The following EPC2 variants were observed in gnomAD, a reference collection of about 807,000 sequenced individuals.
EPC2 encodes the protein enhancer of polycomb 2.
Under a neutral mutation model 92.1 loss-of-function variants are expected in EPC2, and 14 were observed. The ratio of observed to expected loss-of-function variants is 0.15; its 90% CI spans 0.10 to 0.24. The LOEUF is 0.24. Ranked by LOEUF, EPC2 falls within the 10% of genes least tolerant of loss-of-function variation. The probability of loss-of-function intolerance (pLI) is 1.00; values close to 1 mark genes in which losing one functional copy is unlikely to be tolerated. For missense variants in EPC2, 755 were observed against 971.5 expected (o/e 0.78, Z 2.96); for synonymous variants, 340 against 334.7 (o/e 1.02, Z -0.17).
chr2:148,785,232 TAGAGAG>T (rs201660966), intron 13 of EPC2, among the ~76,000 whole-genome samples: 1 of 149,908 alleles, frequency 6.7e-6, no homozygotes, highest in Non-Finnish European at 1.5e-5. Flanking sequence ...AGAGTAGTAG[TAGAGAG>T]AGAGAGAGAG....
At chr2:148,749,114 C>T (rs190403118) in intron 3 of EPC2, among the ~76,000 whole-genome samples, 492 of 152,254 alleles carry the variant, frequency 3.2e-3, no homozygotes, top group Non-Finnish European at 4.7e-3. Flanking sequence ...ATGCCAGGTC[C>T]TCTATTTATA....
intron 3 of EPC2, among the ~76,000 whole-genome samples, chr2:148,749,732 T>C (rs897445459): frequency 2.0e-5 from 3 of 152,130 alleles, no homozygotes; most frequent in African/African-American, 7.2e-5. Context: ...AAATTTGGTC[T>C]AGATCTTTTG....
Position 148,645,180 on chromosome 2 carries a change from C to T in EPC2, c.153+10C>T, listed in dbSNP as rs767716943. On this transcript the variant is annotated intron_variant, in intron 1 of 13. Coordinates refer to ENST00000258484, the MANE Select transcript of EPC2 (RefSeq NM_015630.4). ...GAAGGAGGAGGAATCGGTAGGGACT[C>T]GAGTGTTTATTACCCCCCCTTCCCT... The T allele has an allele frequency of 5.0e-6, 8 of 1,597,730 alleles. No individual in the cohort carries two copies. The highest frequency in any genetic ancestry group is 2.7e-5 in the African/African-American group (2 of 74,008).
intron 2 of EPC2, among the ~76,000 whole-genome samples, chr2:148,726,855 A>G (rs1682510157): frequency 6.9e-6 from 1 of 145,758 alleles, no homozygotes. Context: ...CATGGTTTGC[A>G]GATATTTTTC....
At chr2:148,652,046 C>T (rs1157350197) in intron 1 of EPC2, among the ~76,000 whole-genome samples, 1 of 152,088 alleles carries the variant, frequency 6.6e-6, no homozygotes, top group Non-Finnish European at 1.5e-5. Context: ...CTTTACTGTT[C>T]TATCATTTAT....
At chr2:148,760,682 TA>T (rs1179411276) in intron 4 of EPC2, among the ~76,000 whole-genome samples, 2 of 152,236 alleles carry the variant, frequency 1.3e-5, no homozygotes, top group Non-Finnish European at 2.9e-5. Context: ...AAGGATGACT[TA>T]TTTTTAATAT....
At chr2:148,652,367 A>G (rs1319112725) in intron 1 of EPC2, among the ~76,000 whole-genome samples, 3 of 152,230 alleles carry the variant, frequency 2.0e-5, no homozygotes, top group Non-Finnish European at 4.4e-5. Flanking sequence ...TAATGAGCTT[A>G]GAATAATTTG....
intron 1 of EPC2, among the ~76,000 whole-genome samples, chr2:148,659,908 A>G (rs1181081681): frequency 6.6e-6 from 1 of 152,250 alleles, no homozygotes; most frequent in African/African-American, 2.4e-5. Context: ...CCACCTAAGC[A>G]TATCTTGAGG....
chr2:148,689,380 G>T (rs1681599122), intron 1 of EPC2, among the ~76,000 whole-genome samples: 1 of 152,126 alleles, frequency 6.6e-6, no homozygotes, highest in South Asian at 2.1e-4. Context: ...GGGTTTCACT[G>T]TGTTAGCCAG....
At chr2:148,762,360 A>G (rs1683316465) in intron 5 of EPC2, 2 of 208,706 alleles carry the variant, frequency 9.6e-6, no homozygotes, top group African/African-American at 4.7e-5. Flanking sequence ...ACAAAATTAA[A>G]TAGACTAAAC....
chr2:148,728,301 T>G (rs1035636865), intron 2 of EPC2, among the ~76,000 whole-genome samples: 12 of 152,216 alleles, frequency 7.9e-5, no homozygotes, highest in East Asian at 1.9e-4. Context: ...ACCTTGCTTT[T>G]TTTGTTTGTT....
At chr2:148,705,758 C>A (rs1030125728) in intron 2 of EPC2, among the ~76,000 whole-genome samples, 1 of 152,190 alleles carries the variant, frequency 6.6e-6, no homozygotes. Context: ...GCTGAGGGAC[C>A]TGACTGTTAG....
chr2:148,722,684 A>G (rs1042842349), intron 2 of EPC2, among the ~76,000 whole-genome samples: 2 of 152,234 alleles, frequency 1.3e-5, no homozygotes, highest in South Asian at 4.1e-4. Context: ...TATATACCCA[A>G]AGAATTATAA....
chr2:148,706,530 C>G (rs1356875533), intron 2 of EPC2, among the ~76,000 whole-genome samples: 1 of 152,028 alleles, frequency 6.6e-6, no homozygotes, highest in Non-Finnish European at 1.5e-5. Flanking sequence ...AGAGCAACCC[C>G]AAGACACATA....
At chr2:148,714,157 G>T (rs778610181) in intron 2 of EPC2, among the ~76,000 whole-genome samples, 7 of 148,396 alleles carry the variant, frequency 4.7e-5, no homozygotes, top group Non-Finnish European at 8.9e-5. Context: ...GTGAGAACAT[G>T]CAGTATTTGA....
intron 10 of EPC2, among the ~76,000 whole-genome samples, chr2:148,772,096 GCCCCTATGAAT>G (rs1157190193): frequency 6.6e-6 from 1 of 152,090 alleles, no homozygotes; most frequent in Non-Finnish European, 1.5e-5. Flanking sequence ...ACTGTGCCCG[GCCCCTATGAAT>G]AATAATTTTT....
intron 2 of EPC2, among the ~76,000 whole-genome samples, chr2:148,720,454 A>G (rs13034265): frequency 0.021 from 3,124 of 150,748 alleles, 119 homozygotes; most frequent in African/African-American, 0.072. Context: ...CTGGATTCCA[A>G]CCCCTCTCGG....
intron 1 of EPC2, among the ~76,000 whole-genome samples, chr2:148,670,002 C>T (rs1405441285): frequency 6.6e-6 from 1 of 152,182 alleles, no homozygotes; most frequent in Non-Finnish European, 1.5e-5. Context: ...AGGGAAGCCT[C>T]TTTAGAGCTC....
chr2:148,784,655 C>T lies in EPC2; in HGVS notation c.2018-13C>T. On this transcript the variant is annotated splice_polypyrimidine_tract_variant and intron_variant, in intron 12 of 13. Coordinates refer to ENST00000258484, the MANE Select transcript of EPC2 (RefSeq NM_015630.4). ...TCTCATGATACTAGTTGAATGACTT[C>T]TTTCTTTTTCAGGAACCTCTAAAAC... 6.4e-7 allele frequency: 1 copy of T among 1,557,140 alleles called. No individual in the cohort carries two copies. Among genetic ancestry groups the T allele is most frequent in the South Asian group, 1.2e-5 (1 of 82,758 alleles).
Sources: allele counts gnomAD v4.1 joint callset (sites outside exome capture counted in the v4.1 genomes callset), GRCh38; gene constraint gnomAD v4.1.1; transcripts MANE v1.5; gene names NCBI Gene and HGNC (gene_info 2026-07-23, HGNC 2026-07-21).